The following MGMT variants were observed in gnomAD, a reference collection of about 807,000 sequenced individuals.
MGMT encodes the protein methylated-DNA--protein-cysteine methyltransferase.
Under a neutral mutation model 15.9 loss-of-function variants are expected in MGMT, and 14 were observed. The observed-to-expected ratio is 0.88, with a 90% CI of 0.58 to 1.37. MGMT has a LOEUF of 1.37. Among genes scored for constraint, MGMT ranks in the 40% most tolerant of loss-of-function variants. The pLI, the probability that MGMT is intolerant of heterozygous loss-of-function variation, is 0.00. For synonymous variants in MGMT, 130 were observed against 118.2 expected, an observed-to-expected ratio of 1.10 and a Z score of -0.65; for missense variants, 282 against 268.1, an observed-to-expected ratio of 1.05 and a Z score of -0.36.
intron 2 of MGMT, among the ~76,000 whole-genome samples, chr10:129,555,648 A>C (rs1846205125): frequency 6.6e-6 from 1 of 152,160 alleles, no homozygotes; most frequent in Non-Finnish European, 1.5e-5. Context: ...CCAGGAGTTC[A>C]GAGCTGCAGT....
intron 2 of MGMT, among the ~76,000 whole-genome samples, chr10:129,690,056 A>G (rs1354392609): frequency 6.6e-6 from 1 of 152,198 alleles, no homozygotes; most frequent in African/African-American, 2.4e-5. Flanking sequence ...AAGCTGAAAA[A>G]CATGAAATTC....
At chr10:129,652,710 G>A (rs1589916599) in intron 2 of MGMT, among the ~76,000 whole-genome samples, 1 of 152,262 alleles carries the variant, frequency 6.6e-6, no homozygotes, top group East Asian at 1.9e-4. Context: ...AGCTGCCGGA[G>A]AGTCAGCTGG....
chr10:129,501,174 A>G (rs1276569454), intron 1 of MGMT, among the ~76,000 whole-genome samples: 2 of 152,216 alleles, frequency 1.3e-5, no homozygotes, highest in East Asian at 3.9e-4. Context: ...GTGAACCTGG[A>G]AACGGCAGTG....
Position 129,648,727 on chromosome 10 carries a change from G to A in MGMT, c.126-59168G>A, listed in dbSNP as rs1395804509. ...AAAACTGTCCTTGTATCTGTATTTT[G>A]AATGATTTGGAATCTTTTATCTTTG... On this transcript the variant is annotated intron_variant, in intron 2 of 4. Transcript: ENST00000651593. Among the ~76,000 whole-genome samples the A allele has an allele frequency of 2.0e-5, 3 of 151,842 alleles. No homozygotes were observed. In the South Asian group the frequency reaches 6.2e-4, roughly 32 times the overall value.
chr10:129,506,851 T>C (rs550247681), intron 1 of MGMT, among the ~76,000 whole-genome samples: 8 of 152,334 alleles, frequency 5.3e-5, no homozygotes, highest in Non-Finnish European at 7.4e-5. Flanking sequence ...ATGAAACTTT[T>C]CTTAGTCCTT....
chr10:129,596,197 A>T (rs1846749680), intron 2 of MGMT, among the ~76,000 whole-genome samples: 1 of 151,900 alleles, frequency 6.6e-6, no homozygotes, highest in South Asian at 2.1e-4. Flanking sequence ...GGCTATCTGT[A>T]TAATGTCATG....
At chr10:129,646,754 A>ATATATATATATTTTTTTTTTTT in intron 2 of MGMT, among the ~76,000 whole-genome samples, 2 of 86,670 alleles carry the variant, frequency 2.3e-5, no homozygotes, top group African/African-American at 7.8e-5. Flanking sequence ...ATATATATAT[A>ATATATATATATTTTTTTTTTTT]TTTTCAGGGA....
At chr10:129,723,671 CTGAT>C (rs1338342008) in intron 3 of MGMT, among the ~76,000 whole-genome samples, 1 of 152,210 alleles carries the variant, frequency 6.6e-6, no homozygotes, top group African/African-American at 2.4e-5. Context: ...TATGAAGACT[CTGAT>C]AACTCCATAA....
chr10:129,468,030 T>C (rs1364003771), intron 1 of MGMT, among the ~76,000 whole-genome samples: 1 of 152,186 alleles, frequency 6.6e-6, no homozygotes. Context: ...CTATGCCTGC[T>C]GAGATCATCA....
At position 129,533,659 on chromosome 10, in the gene MGMT, C is replaced by T. The variant is rs1053397381; in HGVS notation, c.-12-2582C>T. Among the ~76,000 whole-genome samples, 2 of 152,118 alleles carry T rather than the reference C, an allele frequency of 1.3e-5. No individual in the cohort carries two copies. The highest frequency in any genetic ancestry group is 4.8e-5 in the African/African-American group (2 of 41,412). On this transcript the variant is annotated intron_variant, in intron 1 of 4. Coordinates refer to ENST00000651593, the MANE Select transcript of MGMT (RefSeq NM_002412.5). The surrounding 1 kb of genome is among the most constrained non-coding windows in gnomAD (Gnocchi z 4.5). ...GGGAAATGATCTCATGGACGCTTGG[C>T]CTGGATGGTGGTCACACTGGTAATT...
chr10:129,475,312 T>C (rs968335880), intron 1 of MGMT, among the ~76,000 whole-genome samples: 2 of 151,980 alleles, frequency 1.3e-5, no homozygotes, highest in African/African-American at 4.8e-5. Flanking sequence ...CTAGTTAAAG[T>C]CATGCCAGCA....
At chr10:129,696,785 A>G (rs1189327875) in intron 2 of MGMT, among the ~76,000 whole-genome samples, 1 of 152,212 alleles carries the variant, frequency 6.6e-6, no homozygotes, top group African/African-American at 2.4e-5. Context: ...CCCAGGGCTC[A>G]CTGGAACAGC....
intron 2 of MGMT, among the ~76,000 whole-genome samples, chr10:129,608,567 T>A (rs1487664506): frequency 6.6e-6 from 1 of 152,256 alleles, no homozygotes; most frequent in Non-Finnish European, 1.5e-5. Context: ...ATCTTACGCT[T>A]AAAAAGTTTT....
At chr10:129,658,254 G>A (rs189387662) in intron 2 of MGMT, among the ~76,000 whole-genome samples, 6 of 152,098 alleles carry the variant, frequency 3.9e-5, no homozygotes, top group African/African-American at 9.7e-5. Flanking sequence ...GAGGGAGAGC[G>A]GCACCATTAG....
chr10:129,651,053 C>T (rs539983186), intron 2 of MGMT, among the ~76,000 whole-genome samples: 1 of 152,276 alleles, frequency 6.6e-6, no homozygotes, highest in Non-Finnish European at 1.5e-5. Flanking sequence ...ATCCTGGGGA[C>T]CCTCTTTGGC....
chr10:129,613,032 G>T (rs1846980332), intron 2 of MGMT, among the ~76,000 whole-genome samples: 1 of 152,036 alleles, frequency 6.6e-6, no homozygotes, highest in African/African-American at 2.4e-5. Context: ...CTAAGGTGCT[G>T]GCCTGTCTAA....
chr10:129,556,399 G>C lies in MGMT; in HGVS notation c.125+20022G>C, dbSNP rs1846214291. 6.6e-6 allele frequency among the ~76,000 whole-genome samples: 1 copy of C among 152,138 alleles called. No homozygotes were observed. The highest frequency in any genetic ancestry group is 2.4e-5 in the African/African-American group (1 of 41,438). On this transcript the variant is annotated intron_variant, in intron 2 of 4. Transcript: ENST00000651593. This position sits in a 1 kb window ranked among gnomAD's most constrained non-coding sequence, Gnocchi z 4.3. The stretch of plus-strand genomic sequence containing the variant: ...TGTGGCACAGACACACGGAGGGATG[G>C]CCACGTGAGGACCCTGGGAGAAGGC...
At chr10:129,692,260 A>G (rs1378070908) in intron 2 of MGMT, among the ~76,000 whole-genome samples, 1 of 152,206 alleles carries the variant, frequency 6.6e-6, no homozygotes, top group Non-Finnish European at 1.5e-5. Context: ...AGTGGTCAGG[A>G]ATCAGGAATG....
intron 1 of MGMT, among the ~76,000 whole-genome samples, chr10:129,517,037 T>C (rs540923589): frequency 7.9e-5 from 12 of 152,190 alleles, no homozygotes; most frequent in Non-Finnish European, 1.6e-4. Flanking sequence ...TGTCCAGCAG[T>C]CAGCTGTCTG....
Sources: gnomAD v4.1 joint callset for allele counts (sites outside exome capture counted in the v4.1 genomes callset) on GRCh38, gnomAD v4.1.1 for gene constraint, Gnocchi (gnomAD v3.1) non-coding constraint, MANE v1.5 for transcripts, NCBI Gene and HGNC (gene_info 2026-07-23, HGNC 2026-07-21) for gene names.